The following GRIK2 variants were observed in gnomAD, a reference collection of about 807,000 sequenced individuals.
The protein encoded by GRIK2 is glutamate ionotropic receptor kainate type subunit 2, also known as glutamate receptor ionotropic, kainate 2.
In GRIK2, 32 loss-of-function variants were observed where a neutral mutation model predicts 100.3. That is an observed-to-expected ratio of 0.32 (90% CI 0.24 to 0.43). The LOEUF is 0.43. GRIK2 is among the 20% of genes least tolerant of loss of function. The pLI, the probability that GRIK2 is intolerant of heterozygous loss-of-function variation, is 1.00. For missense variants in GRIK2, 843 were observed against 1,114.9 expected (o/e 0.76, Z 3.47); for synonymous variants, 417 against 389.4 (o/e 1.07, Z -0.83).
chr6:101,898,028 T>G (rs532377486), intron 12 of GRIK2, among the ~76,000 whole-genome samples: 1 of 151,948 alleles, frequency 6.6e-6, no homozygotes, highest in African/African-American at 2.4e-5. Flanking sequence ...TAATACGTAT[T>G]GCATGTCAAC....
intron 7 of GRIK2, among the ~76,000 whole-genome samples, chr6:101,689,752 C>T (rs1582965024): frequency 6.6e-6 from 1 of 152,228 alleles, no homozygotes; most frequent in East Asian, 1.9e-4. Context: ...TGATATCCCA[C>T]TTTTCTCCAT....
intron 11 of GRIK2, among the ~76,000 whole-genome samples, chr6:101,888,202 G>A (rs1582462016): frequency 6.6e-6 from 1 of 152,050 alleles, no homozygotes; most frequent in Admixed American, 6.6e-5. Flanking sequence ...TGAGATGCAT[G>A]TCATGGTTAC....
intron 2 of GRIK2, among the ~76,000 whole-genome samples, chr6:101,496,111 A>G (rs1773430827): frequency 6.6e-6 from 1 of 151,970 alleles, no homozygotes; most frequent in South Asian, 2.1e-4. Context: ...ACACCTGGCT[A>G]ATTTTTTATA....
intron 10 of GRIK2, among the ~76,000 whole-genome samples, chr6:101,850,631 CT>C (rs1451838759): frequency 1.3e-5 from 2 of 151,888 alleles, no homozygotes; most frequent in Non-Finnish European, 2.9e-5. Context: ...TTTTTCAGAA[CT>C]TCATTTTGGA....
At chr6:101,979,762 T>C (rs1793604991) in intron 14 of GRIK2, among the ~76,000 whole-genome samples, 1 of 151,988 alleles carries the variant, frequency 6.6e-6, no homozygotes, top group South Asian at 2.1e-4. Context: ...TTAGACATTT[T>C]CTATATGTTA....
intron 2 of GRIK2, among the ~76,000 whole-genome samples, chr6:101,494,999 A>ATATATATG (rs1331042457): frequency 6.9e-6 from 1 of 144,288 alleles, no homozygotes; most frequent in African/African-American, 2.5e-5. Flanking sequence ...ATATATATAT[A>ATATATATG]TGAAGGAAAA....
At chr6:101,990,657 A>C (rs1794302163) in intron 14 of GRIK2, among the ~76,000 whole-genome samples, 1 of 151,584 alleles carries the variant, frequency 6.6e-6, no homozygotes, top group African/African-American at 2.4e-5. Flanking sequence ...TAATTTCATT[A>C]AGGGAAGTGA....
At chr6:101,799,561 C>T in intron 7 of GRIK2, 87 bp from the exon 8 acceptor site, 1 of 976,828 alleles carries the variant, frequency 1.0e-6, no homozygotes, top group Admixed American at 1.7e-5. Context: ...ATTTCCCTTA[C>T]CTCTTCCCTC....
chr6:102,041,056 TTTG>T, intron 15 of GRIK2, among the ~76,000 whole-genome samples: 1 of 151,650 alleles, frequency 6.6e-6, no homozygotes, highest in African/African-American at 2.4e-5. Flanking sequence ...TCCTGGCATA[TTTG>T]TTAAGTCTAG....
chr6:101,853,791 A>G (rs555656285), intron 10 of GRIK2, among the ~76,000 whole-genome samples: 1 of 152,316 alleles, frequency 6.6e-6, no homozygotes, highest in South Asian at 2.1e-4. Context: ...ATGAAAATAC[A>G]TGGAGGAAAC....
intron 2 of GRIK2, among the ~76,000 whole-genome samples, chr6:101,470,659 G>A (rs75465114): frequency 0.034 from 5,209 of 152,132 alleles, 131 homozygotes; most frequent in Admixed American, 0.069. Context: ...AAGCCCTGCA[G>A]GAGGATCATT....
At chr6:101,496,189 C>T (rs574675954) in intron 2 of GRIK2, among the ~76,000 whole-genome samples, 9 of 152,174 alleles carry the variant, frequency 5.9e-5, no homozygotes, top group East Asian at 3.9e-4. Context: ...TCAGGTAATC[C>T]GCTTGTCTCA....
At chr6:102,033,289 C>T (rs1770095056) in intron 14 of GRIK2, among the ~76,000 whole-genome samples, 1 of 151,082 alleles carries the variant, frequency 6.6e-6, no homozygotes, top group African/African-American at 2.4e-5. Context: ...TCAAGACAGA[C>T]ATAAGGCTGA....
chr6:101,760,871 T>A (rs1451113501), intron 7 of GRIK2, among the ~76,000 whole-genome samples: 2 of 150,650 alleles, frequency 1.3e-5, no homozygotes, highest in African/African-American at 4.9e-5. Context: ...CATACAAAAT[T>A]AATTTTTCAT....
At chr6:101,689,333 C>A (rs1398905069) in intron 7 of GRIK2, among the ~76,000 whole-genome samples, 1 of 152,002 alleles carries the variant, frequency 6.6e-6, no homozygotes, top group Non-Finnish European at 1.5e-5. Flanking sequence ...TGGAGCAAGA[C>A]CTATTATTAT....
At chr6:102,063,739 A>C (rs1451150618) in intron 16 of GRIK2, among the ~76,000 whole-genome samples, 3 of 146,588 alleles carry the variant, frequency 2.0e-5, no homozygotes, top group Non-Finnish European at 3.0e-5. Context: ...TTACATCCAA[A>C]ATACAAAATA....
chr6:101,509,836 G>A (rs935040048), intron 2 of GRIK2, among the ~76,000 whole-genome samples: 2 of 152,124 alleles, frequency 1.3e-5, no homozygotes, highest in South Asian at 2.1e-4. Flanking sequence ...AATCATGGGA[G>A]TTGACTGTAG....
At chr6:101,707,592 GTGTATATATGTGTGTA>G (rs1773413999) in intron 7 of GRIK2, among the ~76,000 whole-genome samples, 9 of 128,210 alleles carry the variant, frequency 7.0e-5, no homozygotes, top group South Asian at 5.2e-4. Context: ...GTGTGTGTGT[GTGTATATATGTGTGTA>G]TATATATATA....
chr6:101,982,225 A>C (rs1793752653), intron 14 of GRIK2, among the ~76,000 whole-genome samples: 1 of 151,846 alleles, frequency 6.6e-6, no homozygotes, highest in South Asian at 2.1e-4. Context: ...TCTTGAGTAT[A>C]GTCTTTTCCT....
Sources: gnomAD v4.1 joint callset for allele counts (sites outside exome capture counted in the v4.1 genomes callset) on GRCh38, gnomAD v4.1.1 for gene constraint, MANE v1.5 for transcripts, NCBI Gene and HGNC (gene_info 2026-07-23, HGNC 2026-07-21) for gene names.